Variants in RPN2 observed in about 807,000 individuals in gnomAD.
The protein encoded by RPN2 is dolichyl-diphosphooligosaccharide--protein glycosyltransferase subunit 2.
In RPN2, 29 loss-of-function variants were observed where a neutral mutation model predicts 71.4. The ratio of observed to expected loss-of-function variants is 0.41; its 90% CI spans 0.30 to 0.55. RPN2 has a LOEUF of 0.55. Ranked by LOEUF, RPN2 falls within the 20% of genes least tolerant of loss-of-function variation. The pLI, the probability that RPN2 is intolerant of heterozygous loss-of-function variation, is 0.35. For missense variants in RPN2, 726 were observed against 774.1 expected (o/e 0.94, Z 0.74); for synonymous variants, 308 against 305.0 (o/e 1.01, Z -0.10).
chr20:37,195,221 G>A (rs1458613852), intron 2 of RPN2, among the ~76,000 whole-genome samples: 1 of 152,146 alleles, frequency 6.6e-6, no homozygotes. Flanking sequence ...CACTGGGTGG[G>A]CTCACTGAGC....
At chr20:37,180,094 AT>A (rs1384119157) in intron 1 of RPN2, among the ~76,000 whole-genome samples, 2 of 152,196 alleles carry the variant, frequency 1.3e-5, no homozygotes, top group Middle Eastern at 3.2e-3. Context: ...GCAGGGTGGA[AT>A]TTCATGTAGC....
intron 10 of RPN2, 72 bp from the exon 11 acceptor site, chr20:37,225,616 G>A: frequency 1.0e-6 from 1 of 958,722 alleles, no homozygotes; most frequent in Non-Finnish European, 1.7e-6. Context: ...ATGAAGTGAA[G>A]TATATATTTT....
intron 4 of RPN2, among the ~76,000 whole-genome samples, chr20:37,201,655 G>A (rs780266497): frequency 2.5e-4 from 38 of 152,106 alleles, no homozygotes; most frequent in Admixed American, 5.9e-4. Flanking sequence ...TGTTTAGCCC[G>A]CCTAAACCTC....
At position 37,184,177 on chromosome 20, in the gene RPN2, A is replaced by G. The variant is rs766774507; in HGVS notation, c.14-3A>G. 14 of 1,614,052 alleles carry G rather than the reference A, an allele frequency of 8.7e-6. No individual in the cohort carries two copies. The highest frequency in any genetic ancestry group is 1.2e-5 in the Non-Finnish European group (14 of 1,179,988). On this transcript the variant is annotated splice_polypyrimidine_tract_variant and splice_region_variant and intron_variant, in intron 1 of 16. Transcript: ENST00000237530. ...GTGTACTGAATGGTTGTTTCCCCCC[A>G]AGGTTCAAGCACTGTCTTCCTGTTG...
intron 9 of RPN2, among the ~76,000 whole-genome samples, chr20:37,218,732 T>TA (rs776141482): frequency 1.3e-5 from 2 of 152,130 alleles, no homozygotes; most frequent in Non-Finnish European, 2.9e-5. Context: ...TGTGGTTGCC[T>TA]ATTTGGGACA....
At chr20:37,188,620 CTT>C (rs11479251) in intron 2 of RPN2, among the ~76,000 whole-genome samples, 1 of 143,102 alleles carries the variant, frequency 7.0e-6, no homozygotes, top group African/African-American at 2.6e-5. Context: ...CAATTGGTGT[CTT>C]TTTTTTTTTT....
intron 1 of RPN2, among the ~76,000 whole-genome samples, chr20:37,180,080 C>T (rs2066820037): frequency 6.6e-6 from 1 of 152,192 alleles, no homozygotes; most frequent in African/African-American, 2.4e-5. Context: ...TGAGTAGACG[C>T]TGTGCAGGGT....
At chr20:37,198,625 A>ATTTTT in intron 3 of RPN2, 133 bp downstream of exon 3, 1 of 1,221,374 alleles carries the variant, frequency 8.2e-7, no homozygotes, top group Non-Finnish European at 1.1e-6. Flanking sequence ...CATTCCTGTG[A>ATTTTT]TTTTTTTTTT....
chr20:37,204,744 A>G (rs750661926), intron 5 of RPN2, 23 bp from the exon 6 acceptor site: 15 of 1,613,994 alleles, frequency 9.3e-6, no homozygotes, highest in African/African-American at 1.3e-5. Flanking sequence ...GACATCCAGC[A>G]TATTTCTGTT....
chr20:37,197,324 T>C (rs2067276455), intron 2 of RPN2, among the ~76,000 whole-genome samples: 1 of 152,194 alleles, frequency 6.6e-6, no homozygotes, highest in African/African-American at 2.4e-5. Flanking sequence ...CTTGAAGCAG[T>C]GTGCAGAATG....
At chr20:37,211,329 CCGGCCTTTTTTTAAAT>C (rs1228891310) in intron 8 of RPN2, among the ~76,000 whole-genome samples, 1 of 150,446 alleles carries the variant, frequency 6.6e-6, no homozygotes, top group African/African-American at 2.4e-5. Context: ...GCCATTGTGC[CCGGCCTTTTTTTAAAT>C]TAGAGATGGG....
chr20:37,229,942 G>C lies in RPN2; in HGVS notation c.1495-31G>C, dbSNP rs1483736573. 3.3e-6 allele frequency: 5 copies of C among 1,535,544 alleles called. No individual in the cohort carries two copies. The African/African-American group carries it at 6.8e-5, about 21-fold the overall frequency. On this transcript the variant is annotated intron_variant, in intron 12 of 16. Coordinates refer to ENST00000237530, the MANE Select transcript of RPN2 (RefSeq NM_002951.5). ...GAGTTTCACCCACTTCTCTGCCCCT[G>C]TGCTTTTACAGACTGTCCTTATTTT...
chr20:37,201,244 T>C (rs2067382997), intron 4 of RPN2, among the ~76,000 whole-genome samples: 1 of 151,460 alleles, frequency 6.6e-6, no homozygotes, highest in Non-Finnish European at 1.5e-5. Flanking sequence ...AGTTTGTTAC[T>C]TCCTTCGTTG....
At chr20:37,232,709 T>C (rs1415015535) in intron 14 of RPN2, among the ~76,000 whole-genome samples, 1 of 152,170 alleles carries the variant, frequency 6.6e-6, no homozygotes, top group Non-Finnish European at 1.5e-5. Flanking sequence ...GATCCGATGC[T>C]GGTAGCTATA....
intron 4 of RPN2, among the ~76,000 whole-genome samples, chr20:37,200,191 C>T (rs1359562703): frequency 1.8e-4 from 27 of 152,052 alleles, no homozygotes. Context: ...CAGGGTTTCA[C>T]CATGTTGGCC....
At chr20:37,207,148 T>C in intron 6 of RPN2, 125 bp from the exon 7 acceptor site, 1 of 753,830 alleles carries the variant, frequency 1.3e-6, no homozygotes, top group Non-Finnish European at 2.4e-6. Context: ...CGAATTTGGA[T>C]CATTGACCAA....
At chr20:37,238,899 C>T (rs990628446) in intron 16 of RPN2, 9 of 509,624 alleles carry the variant, frequency 1.8e-5, no homozygotes, top group Admixed American at 9.8e-5. Flanking sequence ...TTGGGCTAAA[C>T]ATTGTGGTCT....
intron 16 of RPN2, chr20:37,238,268 C>G: frequency 1.3e-6 from 1 of 745,736 alleles, no homozygotes; most frequent in Non-Finnish European, 2.4e-6. Flanking sequence ...TTTGTGAGTC[C>G]TAGAATGAAC....
At chr20:37,208,897 TGAGC>T (rs1161329926) in intron 7 of RPN2, among the ~76,000 whole-genome samples, 1 of 152,226 alleles carries the variant, frequency 6.6e-6, no homozygotes, top group East Asian at 1.9e-4. Context: ...GATATCCTCC[TGAGC>T]GAGTACCCTG....
Sources: gnomAD v4.1 joint callset for allele counts (sites outside exome capture counted in the v4.1 genomes callset) on GRCh38, gnomAD v4.1.1 for gene constraint, MANE v1.5 for transcripts, NCBI Gene and HGNC (gene_info 2026-07-23, HGNC 2026-07-21) for gene names.